The following UBE2QL1 variants were observed in gnomAD, a reference collection of about 807,000 sequenced individuals.
UBE2QL1 encodes the protein ubiquitin-conjugating enzyme E2Q-like protein 1.
UBE2QL1 carries 5 observed loss-of-function variants against 12.6 expected under a neutral mutation model. That is an observed-to-expected ratio of 0.40 (90% CI 0.21 to 0.83). The LOEUF (loss-of-function observed/expected upper bound fraction) is 0.83. Ranked by LOEUF, UBE2QL1 falls within the 40% of genes least tolerant of loss-of-function variation. The pLI, the probability that UBE2QL1 is intolerant of heterozygous loss-of-function variation, is 0.37. For missense variants in UBE2QL1, 99 were observed against 222.6 expected, an observed-to-expected ratio of 0.44 and a Z score of 3.53; for synonymous variants, 96 against 94.5, an observed-to-expected ratio of 1.02 and a Z score of -0.10.
intron 1 of UBE2QL1, among the ~76,000 whole-genome samples, chr5:6,468,753 T>G (rs747881226): frequency 2.6e-5 from 4 of 152,204 alleles, no homozygotes; most frequent in Non-Finnish European, 5.9e-5. Flanking sequence ...CGGAAATGAT[T>G]ATTAGTTGTT....
In UBE2QL1 at chr5:6,496,093, A is replaced by T. The variant is rs1390065210; in HGVS notation, c.*4744A>T. 6.6e-6 allele frequency among the ~76,000 whole-genome samples: 1 copy of T among 152,192 alleles called. No homozygotes were observed. Among genetic ancestry groups the T allele is most frequent in the Non-Finnish European group, 1.5e-5 (1 of 68,038 alleles). On this transcript the variant is annotated 3_prime_UTR_variant, in exon 2 of 2. Transcript: ENST00000399816. ...TGATAAGGCTAGACAAATAGAGTGC[A>T]ATGAGGGGGTCAGGTGCGAGGCCGT...
At chr5:6,470,123 C>T (rs1478015516) in intron 1 of UBE2QL1, among the ~76,000 whole-genome samples, 1 of 152,182 alleles carries the variant, frequency 6.6e-6, no homozygotes, top group Non-Finnish European at 1.5e-5. Flanking sequence ...GAGAGCAGAA[C>T]ATGGTGTGAT....
chr5:6,468,308 G>C (rs777931934), intron 1 of UBE2QL1, among the ~76,000 whole-genome samples: 1 of 152,144 alleles, frequency 6.6e-6, no homozygotes, highest in Admixed American at 6.5e-5. Context: ...CAGGGAAGCC[G>C]GTCATCCTCC....
rs921675572 is a variant in UBE2QL1 at position 6,481,601 on chromosome 5, A to C, written c.355-9617A>C. On this transcript the variant is annotated intron_variant, in intron 1 of 1. Transcript: ENST00000399816. This position sits in a 1 kb window ranked among gnomAD's most constrained non-coding sequence, Gnocchi z 4.5. ...CTCAAAGCCAGCCAACCCAAACAGA[A>C]CTCAGTATCTTATCCTAGAAACCTG... Among the ~76,000 whole-genome samples the C allele has an allele frequency of 2.6e-5, 4 of 152,196 alleles. No individual in the cohort carries two copies. Among genetic ancestry groups the C allele is most frequent in the Non-Finnish European group, 5.9e-5 (4 of 67,992 alleles).
At position 6,479,082 on chromosome 5, in the gene UBE2QL1, G is replaced by A. The variant is rs1387497567; in HGVS notation, c.355-12136G>A. Reference sequence around the variant, plus strand: ...CCCCAGTGCCTCATCCTGAAATCAGGGAGGCGTGGCAGGGTGGAGGCAGCC... The same window carrying A: ...CCCCAGTGCCTCATCCTGAAATCAGAGAGGCGTGGCAGGGTGGAGGCAGCC... On this transcript the variant is annotated intron_variant, in intron 1 of 1. Transcript: ENST00000399816. The surrounding 1 kb of genome is among the most constrained non-coding windows in gnomAD (Gnocchi z 4.2). Among the ~76,000 whole-genome samples the A allele has an allele frequency of 1.3e-5, 2 of 152,088 alleles. No homozygotes were observed. The highest frequency in any genetic ancestry group is 4.8e-5 in the African/African-American group (2 of 41,390).
intron 1 of UBE2QL1, among the ~76,000 whole-genome samples, chr5:6,470,401 A>AT (rs1238710358): frequency 6.6e-6 from 1 of 152,166 alleles, no homozygotes; most frequent in Non-Finnish European, 1.5e-5. Flanking sequence ...ACTCTTAAGA[A>AT]TTTTTTTCTG....
At chr5:6,488,924 G>T (rs897506376) in intron 1 of UBE2QL1, among the ~76,000 whole-genome samples, 1 of 152,156 alleles carries the variant, frequency 6.6e-6, no homozygotes, top group South Asian at 2.1e-4. Context: ...TGATGATTAT[G>T]AATATATTAG....
chr5:6,496,398 G>A lies in UBE2QL1; in HGVS notation c.*5049G>A, dbSNP rs1734664341. On this transcript the variant is annotated 3_prime_UTR_variant, in exon 2 of 2. Transcript: ENST00000399816. The stretch of plus-strand genomic sequence containing the variant: ...CATTCCTGCCTGCCTTCTCTACAAC[G>A]TGACTTCATTTCATGAATGTGGTTG... Among the ~76,000 whole-genome samples, 2 of 152,162 alleles carry A rather than the reference G, an allele frequency of 1.3e-5. No homozygotes were observed. The highest frequency in any genetic ancestry group is 6.5e-5 in the Admixed American group (1 of 15,274).
intron 1 of UBE2QL1, among the ~76,000 whole-genome samples, chr5:6,477,418 G>T (rs952371181): frequency 1.3e-5 from 2 of 151,926 alleles, no homozygotes; most frequent in African/African-American, 2.4e-5. Context: ...CTGCTGACAG[G>T]TGCGCCCGGA....
At chr5:6,459,962 G>A (rs1739615996) in intron 1 of UBE2QL1, among the ~76,000 whole-genome samples, 1 of 152,124 alleles carries the variant, frequency 6.6e-6, no homozygotes, top group African/African-American at 2.4e-5. Flanking sequence ...TTAAGAACTC[G>A]AGGTAGTGTG....
chr5:6,452,380 A>G (rs1267197392), intron 1 of UBE2QL1, among the ~76,000 whole-genome samples: 1 of 152,228 alleles, frequency 6.6e-6, no homozygotes, highest in Non-Finnish European at 1.5e-5. Context: ...TATTCTATGT[A>G]GAAATAATGA....
chr5:6,492,078 G>A lies in UBE2QL1; in HGVS notation c.*729G>A, dbSNP rs2895034. ...GCAGAGGATACTGCGACCACCCCTG[G>A]CAGACGGTGGCGTAGACACCAGGTG... On this transcript the variant is annotated 3_prime_UTR_variant, in exon 2 of 2. Transcript: ENST00000399816. 0.21 allele frequency: 32,030 copies of A among 152,176 alleles called. 4,856 individuals carry two copies. Among genetic ancestry groups the A allele is most frequent in the African/African-American group, 0.42 (17,460 of 41,456 alleles). The allele number at this position is 152,176 out of a possible 1,614,324, so 9.4% of individuals were successfully genotyped here. A position where few individuals can be genotyped will look rare whatever the true frequency, so the allele number is the denominator to read the frequency against.
chr5:6,462,788 G>A (rs1739701612), intron 1 of UBE2QL1, among the ~76,000 whole-genome samples: 1 of 152,198 alleles, frequency 6.6e-6, no homozygotes, highest in Admixed American at 6.5e-5. Context: ...ATTAGATTAA[G>A]TTGCCCAGGG....
Position 6,492,909 on chromosome 5 carries a change from A to G in UBE2QL1, c.*1560A>G, listed in dbSNP as rs984719779. On this transcript the variant is annotated 3_prime_UTR_variant, in exon 2 of 2. Coordinates refer to ENST00000399816, the MANE Select transcript of UBE2QL1 (RefSeq NM_001145161.3). Reference sequence around the variant, plus strand: ...TTCAATTCTTCAGGCAGTTTTGTCTACTTGGGGACCTGCCCATTGGTTCAA... The same window carrying G: ...TTCAATTCTTCAGGCAGTTTTGTCTGCTTGGGGACCTGCCCATTGGTTCAA... The G allele has an allele frequency of 2.6e-5, 4 of 152,246 alleles. No homozygotes were observed. Among genetic ancestry groups the G allele is most frequent in the Non-Finnish European group, 5.9e-5 (4 of 68,048 alleles). 9.4% of individuals were successfully genotyped at this position (152,246 alleles called of 1,614,324 possible).
chr5:6,487,139 A>C (rs1475342922), intron 1 of UBE2QL1, among the ~76,000 whole-genome samples: 1 of 152,240 alleles, frequency 6.6e-6, no homozygotes, highest in East Asian at 1.9e-4. Context: ...CAATTAAGGA[A>C]GATGCAGACG....
rs944470503 is a variant in UBE2QL1 at position 6,494,700 on chromosome 5, G to A, written c.*3351G>A. Reference sequence around the variant, plus strand: ...TTTAATTAGAACCCACTTAGATATCGACTCAGAATGATCAATTACAGTGGT... The same window carrying A: ...TTTAATTAGAACCCACTTAGATATCAACTCAGAATGATCAATTACAGTGGT... On this transcript the variant is annotated 3_prime_UTR_variant, in exon 2 of 2. Coordinates refer to ENST00000399816, the MANE Select transcript of UBE2QL1 (RefSeq NM_001145161.3). 2 of 152,120 alleles carry A rather than the reference G, an allele frequency of 1.3e-5. No homozygotes were observed. The highest frequency in any genetic ancestry group is 1.5e-5 in the Non-Finnish European group (1 of 68,028). The allele number at this position is 152,120 out of a possible 1,614,324, so 9.4% of individuals were successfully genotyped here. A position where few individuals can be genotyped will look rare whatever the true frequency, so the allele number is the denominator to read the frequency against.
At position 6,457,474 on chromosome 5, in the gene UBE2QL1, CTTTG is replaced by C. The variant is rs1467358450; in HGVS notation, c.354+8233_354+8236del. 7.2e-5 allele frequency among the ~76,000 whole-genome samples: 11 copies of C among 152,284 alleles called. No homozygotes were observed. In the South Asian group the frequency reaches 1.2e-3, roughly 17 times the overall value. On this transcript the variant is annotated intron_variant, in intron 1 of 1. Coordinates refer to ENST00000399816, the MANE Select transcript of UBE2QL1 (RefSeq NM_001145161.3). ...CCTTCTCTTTGCTAAATGTCCAACA[CTTTG>C]TTTGTGCCAAATAGATGTTTGCCAC...
chr5:6,489,278 G>C (rs1412890230), intron 1 of UBE2QL1, among the ~76,000 whole-genome samples: 1 of 151,984 alleles, frequency 6.6e-6, no homozygotes, highest in Admixed American at 6.6e-5. Context: ...TAAAAAATTA[G>C]ATAAATGTGG....
intron 1 of UBE2QL1, among the ~76,000 whole-genome samples, chr5:6,475,511 A>G (rs576582605): frequency 6.6e-6 from 1 of 152,326 alleles, no homozygotes; most frequent in African/African-American, 2.4e-5. Flanking sequence ...CACCTGTATA[A>G]CACCAGCCAG....
Sources: allele counts gnomAD v4.1 joint callset (sites outside exome capture counted in the v4.1 genomes callset), GRCh38; gene constraint gnomAD v4.1.1; non-coding constraint Gnocchi (gnomAD v3.1); transcripts MANE v1.5; gene names NCBI Gene and HGNC (gene_info 2026-07-23, HGNC 2026-07-21).